Variants in CLASP1 observed in about 807,000 individuals in gnomAD.
CLASP1 encodes the protein cytoplasmic linker associated protein 1.
Under a neutral mutation model 192.3 loss-of-function variants are expected in CLASP1, and 38 were observed. The observed-to-expected ratio is 0.20, with a 90% CI of 0.15 to 0.26. The LOEUF is 0.26. CLASP1 is among the 10% of genes least tolerant of loss of function. CLASP1 has a pLI of 1.00. For synonymous variants in CLASP1, 691 were observed against 712.8 expected, an observed-to-expected ratio of 0.97 and a Z score of 0.49; for missense variants, 1,433 against 1,932.5, an observed-to-expected ratio of 0.74 and a Z score of 4.85.
At chr2:121,646,397 T>G (rs961225655) in intron 1 of CLASP1, among the ~76,000 whole-genome samples, 1 of 152,222 alleles carries the variant, frequency 6.6e-6, no homozygotes, top group Admixed American at 6.5e-5. Context: ...TGTAAGCCAC[T>G]GCACCCAGCC....
intron 1 of CLASP1, among the ~76,000 whole-genome samples, chr2:121,610,413 A>G (rs2065116946): frequency 7.6e-6 from 1 of 130,760 alleles, no homozygotes; most frequent in African/African-American, 3.0e-5. Flanking sequence ...TACAGGAGGA[A>G]GAGGAACTAG....
chr2:121,586,384 C>T (rs2061717458), intron 2 of CLASP1, among the ~76,000 whole-genome samples: 1 of 152,160 alleles, frequency 6.6e-6, no homozygotes, highest in Non-Finnish European at 1.5e-5. Flanking sequence ...ACCTCAGCTT[C>T]CCAAAGTGCT....
intron 10 of CLASP1, among the ~76,000 whole-genome samples, chr2:121,461,755 A>C (rs758804965): frequency 5.3e-5 from 8 of 152,154 alleles, no homozygotes; most frequent in Non-Finnish European, 7.4e-5. Flanking sequence ...ATCTCAATTC[A>C]CAACAAACTC....
intron 23 of CLASP1, among the ~76,000 whole-genome samples, chr2:121,412,060 T>C (rs2077795430): frequency 6.6e-6 from 1 of 152,166 alleles, no homozygotes; most frequent in African/African-American, 2.4e-5. Flanking sequence ...AATTGATCTT[T>C]CCTATAAAAC....
chr2:121,425,139 C>G, exon 22 of CLASP1: 1 of 1,609,656 alleles, frequency 6.2e-7, no homozygotes, highest in Non-Finnish European at 8.5e-7. Flanking sequence ...GAATCCTTAC[C>G]TAATCCTATT....
chr2:121,412,588 T>C (rs2077900261), intron 23 of CLASP1, among the ~76,000 whole-genome samples: 1 of 151,452 alleles, frequency 6.6e-6, no homozygotes, highest in Admixed American at 6.6e-5. Flanking sequence ...TAAAACGAAG[T>C]CTAATAAAAT....
chr2:121,432,592 T>C (rs1319628748), intron 19 of CLASP1, among the ~76,000 whole-genome samples: 1 of 152,224 alleles, frequency 6.6e-6, no homozygotes, highest in Non-Finnish European at 1.5e-5. Flanking sequence ...CTTTATAATA[T>C]TGGTCTTCTC....
chr2:121,500,344 A>AAAAGAAAGAAAG (rs201022141), intron 8 of CLASP1, among the ~76,000 whole-genome samples: 1,254 of 119,298 alleles, frequency 0.011, 18 homozygotes, highest in East Asian at 0.043. Flanking sequence ...GAAAGAAAGA[A>AAAAGAAAGAAAG]AAAGAAAGAA....
chr2:121,513,656 A>G (rs1191002070), intron 7 of CLASP1, among the ~76,000 whole-genome samples: 1 of 152,148 alleles, frequency 6.6e-6, no homozygotes, highest in East Asian at 1.9e-4. Context: ...TTTATAGCAA[A>G]AGGATACAAA....
intron 8 of CLASP1, among the ~76,000 whole-genome samples, chr2:121,478,834 A>T (rs2092153050): frequency 1.2e-5 from 1 of 85,148 alleles, no homozygotes; most frequent in Non-Finnish European, 2.2e-5. Flanking sequence ...CACACACCAC[A>T]CACCACACAC....
intron 22 of CLASP1, among the ~76,000 whole-genome samples, chr2:121,421,495 G>A (rs1156495426): frequency 3.9e-5 from 6 of 152,056 alleles, no homozygotes; most frequent in South Asian, 4.1e-4. Context: ...CAATCCACCC[G>A]CCTTAGCCTT....
chr2:121,371,122 G>A (rs60698925), intron 34 of CLASP1, among the ~76,000 whole-genome samples: 9,335 of 152,136 alleles, frequency 0.061, 341 homozygotes, highest in East Asian at 0.14. Context: ...ACACCCTATA[G>A]TGTTAACACT....
chr2:121,587,696 T>A (rs182171800), intron 2 of CLASP1, among the ~76,000 whole-genome samples: 3 of 151,688 alleles, frequency 2.0e-5, no homozygotes, highest in Non-Finnish European at 4.4e-5. Flanking sequence ...ATGGGTGTAC[T>A]GGCACACGCC....
At chr2:121,507,334 T>TG (rs1001638784) in intron 7 of CLASP1, among the ~76,000 whole-genome samples, 10 of 152,268 alleles carry the variant, frequency 6.6e-5, no homozygotes, top group African/African-American at 2.4e-4. Flanking sequence ...TCAACAGATT[T>TG]GAGCTGAGAC....
chr2:121,555,581 C>G (rs982851513), intron 2 of CLASP1, among the ~76,000 whole-genome samples: 1 of 152,228 alleles, frequency 6.6e-6, no homozygotes, highest in Non-Finnish European at 1.5e-5. Flanking sequence ...TTCCAATTAA[C>G]TAACCTGAAT....
chr2:121,603,153 A>C (rs750849856), intron 2 of CLASP1: 34 of 152,030 alleles, frequency 2.2e-4, no homozygotes, highest in Non-Finnish European at 4.7e-4. Flanking sequence ...ACTCATTACC[A>C]TTGGACCAGC....
intron 15 of CLASP1, 44 bp from the exon 16 acceptor site, chr2:121,451,034 G>T: frequency 7.7e-7 from 1 of 1,290,684 alleles, no homozygotes; most frequent in Non-Finnish European, 1.1e-6. Flanking sequence ...TAAATGTATG[G>T]TTTGATGCAA....
intron 8 of CLASP1, among the ~76,000 whole-genome samples, chr2:121,476,028 C>A (rs1242412029): frequency 3.9e-5 from 6 of 152,198 alleles, no homozygotes; most frequent in African/African-American, 1.4e-4. Context: ...CTATAATTTT[C>A]ATCCAACCCT....
rs2058648455 is a variant in CLASP1, at chr2:121,557,258, A to G, written c.196-26933T>C. ...TTTCTTCACTCAGTAGATAGCTTAA[A>G]GCAGTGGCTTCTGAACTTTTTGATT... On this transcript the variant is annotated intron_variant, in intron 2 of 39. Coordinates refer to ENST00000263710, the Ensembl canonical transcript of CLASP1. Among the ~76,000 whole-genome samples, 13 of 152,320 alleles carry G rather than the reference A, an allele frequency of 8.5e-5. No individual in the cohort carries two copies. In the South Asian group the frequency reaches 1.4e-3, roughly 17 times the overall value.
Sources: allele counts gnomAD v4.1 joint callset (sites outside exome capture counted in the v4.1 genomes callset), GRCh38; gene constraint gnomAD v4.1.1; transcripts MANE v1.5; gene names NCBI Gene and HGNC (gene_info 2026-07-23, HGNC 2026-07-21).